Variants in STARD13 observed in about 807,000 individuals in gnomAD.
The protein encoded by STARD13 is StAR related lipid transfer domain containing 13.
In STARD13, 62 loss-of-function variants were observed where a neutral mutation model predicts 106.4. The ratio of observed to expected loss-of-function variants is 0.58; its 90% CI spans 0.48 to 0.72. The LOEUF is 0.72. STARD13 is among the 30% of genes least tolerant of loss of function. The probability of loss-of-function intolerance (pLI) is 0.00; values close to 1 mark genes in which losing one functional copy is unlikely to be tolerated. For synonymous variants in STARD13, 565 were observed against 553.0 expected (o/e 1.02, Z -0.31); for missense variants, 1,387 against 1,424.0 (o/e 0.97, Z 0.42).
the STARD13 span, among the ~76,000 whole-genome samples, chr13:33,667,703 A>G: frequency 0.012 from 1,891 of 152,342 alleles, 44 homozygotes; most frequent in African/African-American, 0.043. Flanking sequence ...CAGAGATGTA[A>G]AAATGTGAAA....
At chr13:33,493,906 C>G in the STARD13 span, among the ~76,000 whole-genome samples, 1 of 152,148 alleles carries the variant, frequency 6.6e-6, no homozygotes, top group Non-Finnish European at 1.5e-5. Context: ...TGAAAAAAAT[C>G]CACAGGTTGG....
chr13:33,552,341 C>T, the STARD13 span, among the ~76,000 whole-genome samples: 3 of 152,198 alleles, frequency 2.0e-5, no homozygotes, highest in African/African-American at 4.8e-5. Flanking sequence ...AGACATTCCT[C>T]ACAAGCACAC....
chr13:33,295,705 G>A (rs948188129), intron 1 of STARD13, among the ~76,000 whole-genome samples: 12 of 140,036 alleles, frequency 8.6e-5, no homozygotes, highest in African/African-American at 5.9e-5. Flanking sequence ...GAGGGTGCCC[G>A]GGGGGGGCAG....
the STARD13 span, among the ~76,000 whole-genome samples, chr13:33,632,905 A>G: frequency 5.3e-5 from 8 of 152,026 alleles, no homozygotes; most frequent in Non-Finnish European, 1.2e-4. Context: ...CTGAATAATG[A>G]TCAATGAAAT....
At chr13:33,264,754 G>A (rs1053293545) in intron 1 of STARD13, among the ~76,000 whole-genome samples, 11 of 152,170 alleles carry the variant, frequency 7.2e-5, no homozygotes, top group Admixed American at 2.0e-4. Flanking sequence ...ACCTGGCATT[G>A]ACTCAGAGGC....
the STARD13 span, among the ~76,000 whole-genome samples, chr13:33,381,558 G>C: frequency 6.6e-6 from 1 of 152,152 alleles, no homozygotes; most frequent in South Asian, 2.1e-4. Context: ...TGACCAACAT[G>C]ATGAAACCCC....
chr13:33,119,590 G>A (rs1234499947), intron 7 of STARD13, among the ~76,000 whole-genome samples: 1 of 152,182 alleles, frequency 6.6e-6, no homozygotes, highest in Non-Finnish European at 1.5e-5. Flanking sequence ...AGCCATTAGA[G>A]CATACTCAGG....
At chr13:33,477,784 C>G in the STARD13 span, among the ~76,000 whole-genome samples, 1 of 151,142 alleles carries the variant, frequency 6.6e-6, no homozygotes, top group South Asian at 2.1e-4. Flanking sequence ...GAAACCAGCC[C>G]AATTATCCAA....
chr13:33,205,749 A>C, intron 1 of STARD13: 1 of 620,764 alleles, frequency 1.6e-6, no homozygotes, highest in Non-Finnish European at 2.0e-6. Flanking sequence ...CAAAACTCAC[A>C]ATCTACATAG....
chr13:33,530,036 CAA>C, the STARD13 span, among the ~76,000 whole-genome samples: 1 of 150,826 alleles, frequency 6.6e-6, no homozygotes, highest in Non-Finnish European at 1.5e-5. Flanking sequence ...ACATAAATAT[CAA>C]AGAGTTAAAA....
intron 1 of STARD13, among the ~76,000 whole-genome samples, chr13:33,274,593 T>C (rs1006810918): frequency 6.6e-5 from 10 of 152,174 alleles, no homozygotes; most frequent in African/African-American, 2.2e-4. Context: ...GCACTAGCCT[T>C]TGGGCAAATT....
At chr13:33,198,388 C>T (rs1306239517) in intron 1 of STARD13, among the ~76,000 whole-genome samples, 1 of 151,982 alleles carries the variant, frequency 6.6e-6, no homozygotes, top group African/African-American at 2.4e-5. Context: ...GAGCCTTGGC[C>T]CTATCTGTCT....
chr13:33,175,329 A>T (rs1884403540), intron 1 of STARD13, among the ~76,000 whole-genome samples: 1 of 152,190 alleles, frequency 6.6e-6, no homozygotes, highest in Admixed American at 6.5e-5. Flanking sequence ...ATTCTTCAAG[A>T]TGGAGTCAGT....
the STARD13 span, among the ~76,000 whole-genome samples, chr13:33,639,487 T>C: frequency 3.9e-5 from 6 of 152,142 alleles, no homozygotes; most frequent in African/African-American, 1.2e-4. Context: ...GATATGTAAG[T>C]CACTGTAATA....
Position 33,106,738 on chromosome 13 carries a change from T to C in STARD13, c.3224+20A>G. 2 of 1,585,312 alleles carry C rather than the reference T, an allele frequency of 1.3e-6. No individual in the cohort carries two copies. The highest frequency in any genetic ancestry group is 2.3e-5 in the East Asian group (1 of 44,174). The stretch of plus-strand genomic sequence containing the variant: ...AGACTCCCAAGATCTGAGCCTGCCA[T>C]TAAGGGAGTCAGCACTTACTTCAGG... On this transcript the variant is annotated intron_variant, in intron 13 of 13. Transcript: ENST00000336934.
chr13:33,581,801 A>C, the STARD13 span, among the ~76,000 whole-genome samples: 45 of 152,322 alleles, frequency 3.0e-4, no homozygotes, highest in East Asian at 7.5e-3. Flanking sequence ...AGAATGAAAG[A>C]CTGGGTGAAT....
the STARD13 span, among the ~76,000 whole-genome samples, chr13:33,622,927 A>AAG: frequency 5.6e-5 from 8 of 142,994 alleles, no homozygotes; most frequent in African/African-American, 2.4e-4. Flanking sequence ...TAAAAAAAAA[A>AAG]AAAAAGAAAG....
chr13:33,338,352 T>C (rs1286927217), intron 1 of STARD13, among the ~76,000 whole-genome samples: 1 of 152,192 alleles, frequency 6.6e-6, no homozygotes, highest in Non-Finnish European at 1.5e-5. Context: ...GTCCAATTTC[T>C]CTCATTTTAA....
At chr13:33,517,727 C>T in the STARD13 span, among the ~76,000 whole-genome samples, 1 of 152,146 alleles carries the variant, frequency 6.6e-6, no homozygotes, top group Non-Finnish European at 1.5e-5. Context: ...ATTTTCCAAG[C>T]GTTTGCCATC....
Sources: allele counts gnomAD v4.1 joint callset (sites outside exome capture counted in the v4.1 genomes callset), GRCh38; gene constraint gnomAD v4.1.1; transcripts MANE v1.5; gene names NCBI Gene and HGNC (gene_info 2026-07-23, HGNC 2026-07-21).